Variants in CDC14A observed in about 807,000 individuals in gnomAD.
CDC14A encodes the protein dual specificity protein phosphatase CDC14A.
CDC14A carries 53 observed loss-of-function variants against 74.4 expected under a neutral mutation model. The ratio of observed to expected loss-of-function variants is 0.71; its 90% CI spans 0.57 to 0.89. The LOEUF is 0.89. Ranked by LOEUF, CDC14A falls within the 40% of genes least tolerant of loss-of-function variation. The pLI, the probability that CDC14A is intolerant of heterozygous loss-of-function variation, is 0.00. For missense variants in CDC14A, 646 were observed against 713.7 expected (o/e 0.91, Z 1.08); for synonymous variants, 247 against 258.4 (o/e 0.96, Z 0.43).
intron 2 of CDC14A, among the ~76,000 whole-genome samples, chr1:100,365,988 T>G (rs377019194): frequency 7.0e-6 from 1 of 143,070 alleles, no homozygotes; most frequent in African/African-American, 2.7e-5. Context: ...GGTCTCATTG[T>G]GTTTTGGAGG....
At chr1:100,363,795 T>C (rs114393058) in intron 2 of CDC14A, among the ~76,000 whole-genome samples, 233 of 152,326 alleles carry the variant, frequency 1.5e-3, no homozygotes, top group Admixed American at 4.0e-3. Context: ...TTCTGAAATA[T>C]CAAAGTTTTA....
At chr1:100,512,846 G>A (rs972309316) in intron 15 of CDC14A, among the ~76,000 whole-genome samples, 2 of 152,072 alleles carry the variant, frequency 1.3e-5, no homozygotes, top group African/African-American at 4.8e-5. Flanking sequence ...ATCTTAATAT[G>A]ATGCCAATAA....
At chr1:100,379,966 C>G (rs539922503) in intron 3 of CDC14A, among the ~76,000 whole-genome samples, 7 of 152,252 alleles carry the variant, frequency 4.6e-5, no homozygotes, top group Admixed American at 3.9e-4. Flanking sequence ...GGGATCTGCC[C>G]CCATGACCCA....
chr1:100,482,263 A>C (rs1464506478), intron 10 of CDC14A, among the ~76,000 whole-genome samples: 1 of 151,966 alleles, frequency 6.6e-6, no homozygotes, highest in Non-Finnish European at 1.5e-5. Flanking sequence ...GTTCCTAAAG[A>C]CTCTTAAAAG....
upstream of CDC14A, chr1:100,351,760 G>A (rs1225967614): frequency 1.3e-6 from 2 of 1,550,586 alleles, no homozygotes; most frequent in Middle Eastern, 1.7e-4. Flanking sequence ...GAACCAGATG[G>A]GAAACTTTTT....
At chr1:100,489,862 G>C (rs542175375) in intron 11 of CDC14A, among the ~76,000 whole-genome samples, 1 of 152,228 alleles carries the variant, frequency 6.6e-6, no homozygotes, top group African/African-American at 2.4e-5. Flanking sequence ...CAGGGAATCT[G>C]CCTCTCCTGG....
At chr1:100,374,875 A>G (rs1655016123) in intron 2 of CDC14A, among the ~76,000 whole-genome samples, 2 of 152,188 alleles carry the variant, frequency 1.3e-5, no homozygotes, top group East Asian at 1.9e-4. Flanking sequence ...TGAACAAACT[A>G]TTTCATAATG....
Position 100,472,522 on chromosome 1 carries a change from C to T in CDC14A, c.977+4428C>T, listed in dbSNP as rs535468144. 2.6e-5 allele frequency among the ~76,000 whole-genome samples: 4 copies of T among 152,152 alleles called. No homozygotes were observed. In the East Asian group the frequency reaches 7.7e-4, roughly 29 times the overall value. ...AATGTTTTTCAAGGTTTTTTTCAGT[C>T]TATAACTTGTCTTTTCATCCTCTTA... On this transcript the variant is annotated intron_variant, in intron 10 of 15. Coordinates refer to ENST00000336454, the MANE Select transcript of CDC14A (RefSeq NM_003672.4).
At chr1:100,445,858 A>G (rs918389338) in intron 7 of CDC14A, among the ~76,000 whole-genome samples, 1 of 152,206 alleles carries the variant, frequency 6.6e-6, no homozygotes, top group Admixed American at 6.5e-5. Context: ...AGAATGATTT[A>G]TCTGTTCTAT....
intron 4 of CDC14A, among the ~76,000 whole-genome samples, chr1:100,403,966 G>A (rs1442681375): frequency 6.6e-6 from 1 of 152,142 alleles, no homozygotes; most frequent in East Asian, 1.9e-4. Context: ...TTTCTTGATT[G>A]AATAATTTTA....
intron 4 of CDC14A, chr1:100,392,982 T>C: frequency 8.4e-7 from 1 of 1,189,870 alleles, no homozygotes; most frequent in Non-Finnish European, 1.2e-6. Context: ...TCATTAAAAG[T>C]TCAGATGCCT....
intron 10 of CDC14A, 147 bp from the exon 11 acceptor site, chr1:100,484,145 A>G: frequency 4.2e-6 from 2 of 471,728 alleles, no homozygotes; most frequent in Non-Finnish European, 3.6e-6. Flanking sequence ...TCTTTATTCT[A>G]AGATATCATA....
intron 15 of CDC14A, among the ~76,000 whole-genome samples, chr1:100,511,977 T>C (rs1333173432): frequency 1.3e-5 from 2 of 152,122 alleles, no homozygotes; most frequent in East Asian, 1.9e-4. Flanking sequence ...TGTCGGGCTG[T>C]GTGCCTCCCT....
intron 2 of CDC14A, among the ~76,000 whole-genome samples, chr1:100,372,855 TA>T (rs1171323565): frequency 6.6e-6 from 1 of 152,198 alleles, no homozygotes; most frequent in Non-Finnish European, 1.5e-5. Context: ...TTAACCTTCA[TA>T]GAATTGAAGA....
intron 4 of CDC14A, 112 bp from the exon 5 acceptor site, chr1:100,424,110 T>G: frequency 1.3e-6 from 1 of 777,758 alleles, no homozygotes; most frequent in African/African-American, 1.7e-5. Flanking sequence ...AGATCAACAC[T>G]ATCACCGTAA....
chr1:100,431,269 T>C (rs761451334), intron 5 of CDC14A, among the ~76,000 whole-genome samples: 11 of 152,126 alleles, frequency 7.2e-5, no homozygotes, highest in African/African-American at 1.2e-4. Flanking sequence ...GCTTTGGTGA[T>C]TTGTGTTGCG....
intron 12 of CDC14A, among the ~76,000 whole-genome samples, chr1:100,495,151 A>C (rs981158064): frequency 2.6e-5 from 4 of 152,212 alleles, no homozygotes; most frequent in Non-Finnish European, 5.9e-5. Flanking sequence ...CTGGAATTCT[A>C]CCTTAAGCTG....
rs145552867 is a variant in CDC14A at position 100,378,095 on chromosome 1, G to C, written c.216+474G>C. On this transcript the variant is annotated intron_variant, in intron 3 of 15. Transcript: ENST00000336454. ...GTGTAGTTAACAGCCAGGTGAGATT[G>C]ATGAACCAGCAGCAACAGAGAATGG... 2.3e-3 allele frequency among the ~76,000 whole-genome samples: 348 copies of C among 152,292 alleles called. 8 individuals are homozygous for C. The highest frequency in any genetic ancestry group is 3.2e-4 in the Non-Finnish European group (22 of 68,016).
At chr1:100,358,855 G>C (rs1460280380) in intron 2 of CDC14A, among the ~76,000 whole-genome samples, 1 of 152,170 alleles carries the variant, frequency 6.6e-6, no homozygotes, top group East Asian at 1.9e-4. Flanking sequence ...AACTACTCTT[G>C]CCTAGAAATA....
Sources: gnomAD v4.1 joint callset for allele counts (sites outside exome capture counted in the v4.1 genomes callset) on GRCh38, gnomAD v4.1.1 for gene constraint, MANE v1.5 for transcripts, NCBI Gene and HGNC (gene_info 2026-07-23, HGNC 2026-07-21) for gene names.